Variants in ZNF804B observed in about 807,000 individuals in gnomAD.
ZNF804B encodes the protein zinc finger protein 804B.
A neutral mutation model predicts 101.4 loss-of-function variants in ZNF804B; 80 were observed. That is an observed-to-expected ratio of 0.79 (90% CI 0.66 to 0.95). The LOEUF (loss-of-function observed/expected upper bound fraction) is 0.95. Among genes scored for constraint, ZNF804B ranks in the 40% least tolerant of loss-of-function variants. ZNF804B has a pLI of 0.00. For synonymous variants in ZNF804B, 622 were observed against 558.8 expected (o/e 1.11, Z -1.59); for missense variants, 1,673 against 1,561.9 (o/e 1.07, Z -1.20).
intron 1 of ZNF804B, among the ~76,000 whole-genome samples, chr7:89,027,623 C>T (rs984364375): frequency 4.6e-5 from 7 of 152,134 alleles, no homozygotes; most frequent in Admixed American, 4.6e-4. Context: ...CTCTCCCTCT[C>T]TCATTATGTA....
chr7:89,178,379 A>G (rs2888660), intron 1 of ZNF804B, among the ~76,000 whole-genome samples: 98,002 of 149,946 alleles, frequency 0.65, 32,362 homozygotes, highest in South Asian at 0.74. Flanking sequence ...TATTTTTTAT[A>G]GTGCTATATT....
At chr7:89,127,089 A>G (rs1224722969) in intron 1 of ZNF804B, among the ~76,000 whole-genome samples, 2 of 152,010 alleles carry the variant, frequency 1.3e-5, no homozygotes, top group Admixed American at 6.6e-5. Flanking sequence ...AGAACAGCTT[A>G]TAAGTTAGCC....
chr7:88,862,341 C>T (rs548866990), intron 1 of ZNF804B, among the ~76,000 whole-genome samples: 4 of 152,202 alleles, frequency 2.6e-5, no homozygotes, highest in Admixed American at 6.5e-5. Flanking sequence ...TTAAGGAGCT[C>T]GCCATTTAGC....
At chr7:88,802,654 G>A (rs900621986) in intron 1 of ZNF804B, among the ~76,000 whole-genome samples, 2 of 151,280 alleles carry the variant, frequency 1.3e-5, no homozygotes, top group Non-Finnish European at 1.5e-5. Flanking sequence ...ATAATTTTTC[G>A]TAATTTTTTT....
At chr7:89,122,948 C>T (rs914930757) in intron 1 of ZNF804B, among the ~76,000 whole-genome samples, 2 of 152,064 alleles carry the variant, frequency 1.3e-5, no homozygotes, top group Non-Finnish European at 2.9e-5. Flanking sequence ...TGCCTTCCGC[C>T]TAATCTGTCC....
At chr7:88,977,594 CT>C (rs1307519600) in intron 1 of ZNF804B, among the ~76,000 whole-genome samples, 1 of 151,472 alleles carries the variant, frequency 6.6e-6, no homozygotes, top group Non-Finnish European at 1.5e-5. Flanking sequence ...AGTAATGTCT[CT>C]ATTTTATCTC....
chr7:89,140,276 A>G (rs1418982905), intron 1 of ZNF804B, among the ~76,000 whole-genome samples: 2 of 152,056 alleles, frequency 1.3e-5, no homozygotes, highest in Admixed American at 6.6e-5. Context: ...CAGATTTACC[A>G]TAATTCTTAG....
At chr7:89,197,171 A>AATCCTGCAC (rs1374962108) in intron 1 of ZNF804B, among the ~76,000 whole-genome samples, 1 of 151,928 alleles carries the variant, frequency 6.6e-6, no homozygotes, top group Non-Finnish European at 1.5e-5. Context: ...CCTATGTAAC[A>AATCCTGCAC]ATCCTGCACA....
intron 3 of ZNF804B, among the ~76,000 whole-genome samples, chr7:89,330,785 G>C (rs1790965423): frequency 6.6e-6 from 1 of 150,946 alleles, no homozygotes; most frequent in South Asian, 2.1e-4. Flanking sequence ...TAGAATTAAG[G>C]ACAAGAAGCT....
intron 2 of ZNF804B, among the ~76,000 whole-genome samples, chr7:89,303,880 C>G (rs112492576): frequency 0.019 from 2,901 of 151,928 alleles, 80 homozygotes; most frequent in African/African-American, 0.066. Context: ...AATATTTTAA[C>G]AGGGATCTTT....
chr7:88,785,462 A>T (rs1790287393), intron 1 of ZNF804B, among the ~76,000 whole-genome samples: 1 of 152,076 alleles, frequency 6.6e-6, no homozygotes, highest in Non-Finnish European at 1.5e-5. Flanking sequence ...CAGTCTCGTT[A>T]CCTAGTTCTC....
At chr7:88,923,028 T>A (rs1792746997) in intron 1 of ZNF804B, among the ~76,000 whole-genome samples, 1 of 152,124 alleles carries the variant, frequency 6.6e-6, no homozygotes, top group South Asian at 2.1e-4. Flanking sequence ...ATATATTCCA[T>A]ATTTTTCCAG....
intron 1 of ZNF804B, among the ~76,000 whole-genome samples, chr7:88,975,094 T>A (rs984038787): frequency 6.6e-6 from 1 of 151,480 alleles, no homozygotes; most frequent in Non-Finnish European, 1.5e-5. Flanking sequence ...TCCATTTCGT[T>A]GCAGATGACA....
rs1037977834 is a variant in ZNF804B at position 88,784,346 on chromosome 7, A to G, written c.108+24262A>G. Among the ~76,000 whole-genome samples, 6 of 152,292 alleles carry G rather than the reference A, an allele frequency of 3.9e-5. No individual in the cohort carries two copies. The South Asian group carries it at 1.2e-3, about 32-fold the overall frequency. ...CTTCTAGAGATTAGTGCAATTATTT[A>G]TCTAAACAAATGTTTATTAAGAAGA... On this transcript the variant is annotated intron_variant, in intron 1 of 3. Coordinates refer to ENST00000333190, the MANE Select transcript of ZNF804B (RefSeq NM_181646.5).
At chr7:89,180,747 G>A (rs1328708886) in intron 1 of ZNF804B, among the ~76,000 whole-genome samples, 1 of 151,278 alleles carries the variant, frequency 6.6e-6, no homozygotes, top group Non-Finnish European at 1.5e-5. Context: ...GGGAAAGGGT[G>A]ATGCAAGCAC....
intron 1 of ZNF804B, among the ~76,000 whole-genome samples, chr7:88,783,491 C>T (rs1014315297): frequency 6.6e-6 from 1 of 152,142 alleles, no homozygotes; most frequent in Admixed American, 6.6e-5. Context: ...ATGTCTTCAT[C>T]CATAATATCT....
At position 88,858,859 on chromosome 7, in the gene ZNF804B, T is replaced by A. The variant is rs538810906; in HGVS notation, c.108+98775T>A. Among the ~76,000 whole-genome samples, 21 of 152,208 alleles carry A rather than the reference T, an allele frequency of 1.4e-4. 1 individual carries two copies. In the South Asian group the frequency reaches 3.9e-3, roughly 29 times the overall value. On this transcript the variant is annotated intron_variant, in intron 1 of 3. Transcript: ENST00000333190. ...ACAACTGTGAACTTGATGCCAATAT[T>A]TTCTGACTTTTTGTTTTTCTGGTTC... is the stretch of plus-strand genomic sequence containing the variant.
In ZNF804B at chr7:88,847,199, A is replaced by G. The variant is rs963620048; in HGVS notation, c.108+87115A>G. 6.6e-5 allele frequency among the ~76,000 whole-genome samples: 10 copies of G among 152,140 alleles called. No individual in the cohort carries two copies. The East Asian group carries it at 1.9e-3, about 29-fold the overall frequency. On this transcript the variant is annotated intron_variant, in intron 1 of 3. Transcript: ENST00000333190. ...ATATATATCAATGAAGTGAAAAAGC[A>G]AAGCACAGAAAACTCTTTAGCAAAA... is the stretch of plus-strand genomic sequence containing the variant.
chr7:89,200,699 G>C (rs1279419493), intron 1 of ZNF804B, among the ~76,000 whole-genome samples: 1 of 151,934 alleles, frequency 6.6e-6, no homozygotes, highest in Non-Finnish European at 1.5e-5. Flanking sequence ...AAATTATCTA[G>C]GACTGAGGAA....
Sources: allele counts gnomAD v4.1 joint callset (sites outside exome capture counted in the v4.1 genomes callset), GRCh38; gene constraint gnomAD v4.1.1; transcripts MANE v1.5; gene names NCBI Gene and HGNC (gene_info 2026-07-23, HGNC 2026-07-21).